The following MESD variants were observed in gnomAD, a reference collection of about 807,000 sequenced individuals.
The protein encoded by MESD is mesoderm development LRP chaperone, also known as LRP chaperone MESD.
A neutral mutation model predicts 12.9 loss-of-function variants in MESD; 7 were observed. The ratio of observed to expected loss-of-function variants is 0.54; its 90% CI spans 0.31 to 1.02. The LOEUF is 1.02. MESD is among the 50% of genes least tolerant of loss of function. The pLI is 0.05. For synonymous variants in MESD, 126 were observed against 115.6 expected (o/e 1.09, Z -0.58); for missense variants, 342 against 296.7 (o/e 1.15, Z -1.12).
chr15:80,946,856 T>TG (rs1292037328), downstream of MESD: 2 of 749,096 alleles, frequency 2.7e-6, no homozygotes, highest in African/African-American at 3.5e-5. Flanking sequence ...GACAGGCCTC[T>TG]GGGCACTGCT....
exon 5 of MESD, chr15:80,948,389 C>A: frequency 3.1e-6 from 1 of 324,668 alleles, no homozygotes; most frequent in South Asian, 2.7e-5. Flanking sequence ...GGAAGGAGAT[C>A]TTGTAGATCA....
chr15:80,977,429 T>C lies in MESD; in HGVS notation c.*1790A>G, dbSNP rs1902446932. 6.6e-6 allele frequency: 1 copy of C among 152,330 alleles called. No homozygotes were observed. The highest frequency in any genetic ancestry group is 1.5e-5 in the Non-Finnish European group (1 of 68,150). The allele number at this position is 152,330 out of a possible 1,614,324, so 9.4% of individuals were successfully genotyped here. A position where few individuals can be genotyped will look rare whatever the true frequency, so the allele number is the denominator to read the frequency against. On this transcript the variant is annotated 3_prime_UTR_variant, in exon 3 of 3. Coordinates refer to ENST00000261758, the MANE Select transcript of MESD (RefSeq NM_015154.3). ...TACATAACAGACACACAGAAACTAC[T>C]GGGTGAAGTGGGGGCACACTGCACA...
chr15:80,971,189 G>A (rs1902280403), downstream of MESD, among the ~76,000 whole-genome samples: 1 of 152,156 alleles, frequency 6.6e-6, no homozygotes, highest in Admixed American at 6.5e-5. Flanking sequence ...CTTGATCTTT[G>A]CCTGCTGTAA....
chr15:80,989,334 G>A (rs1277917524), intron 1 of MESD, among the ~76,000 whole-genome samples: 1 of 152,172 alleles, frequency 6.6e-6, no homozygotes, highest in East Asian at 1.9e-4. Context: ...GATTGAAGTG[G>A]TTTGAGAAAT....
exon 5 of MESD, chr15:80,948,260 T>G: frequency 5.1e-6 from 1 of 194,494 alleles, no homozygotes; most frequent in Non-Finnish European, 1.1e-5. Context: ...AGATGGAGAG[T>G]GCTGTGTGGG....
At chr15:80,985,025 T>C (rs1405829165) in intron 1 of MESD, among the ~76,000 whole-genome samples, 1 of 152,202 alleles carries the variant, frequency 6.6e-6, no homozygotes, top group Admixed American at 6.5e-5. Context: ...TTTCCTCATT[T>C]ACAAAATGAA....
intron 2 of MESD, among the ~76,000 whole-genome samples, chr15:80,979,718 T>C (rs1902522389): frequency 6.6e-6 from 1 of 152,214 alleles, no homozygotes; most frequent in Admixed American, 6.5e-5. Flanking sequence ...CTTTGTTGTA[T>C]AAATGGATGC....
intron 1 of MESD, among the ~76,000 whole-genome samples, chr15:80,985,723 C>A (rs1902713591): frequency 7.2e-6 from 1 of 138,844 alleles, no homozygotes; most frequent in South Asian, 2.3e-4. Flanking sequence ...GCAATCTTGG[C>A]TCATTGCAAC....
intron 4 of MESD, chr15:80,949,079 A>G (rs546761565): frequency 0.016 from 16,007 of 998,780 alleles, 200 homozygotes; most frequent in Non-Finnish European, 0.02. Context: ...GCTATCAGAG[A>G]CCCTGGTGCT....
At chr15:80,970,613 G>A (rs1039364951) in intron 3 of MESD, 2 of 152,140 alleles carry the variant, frequency 1.3e-5, no homozygotes, top group Admixed American at 6.5e-5. Context: ...AATGAACTCC[G>A]TAGCTAACTC....
chr15:80,972,354 C>T (rs535126934), downstream of MESD, among the ~76,000 whole-genome samples: 1 of 152,314 alleles, frequency 6.6e-6, no homozygotes, highest in South Asian at 2.1e-4. Flanking sequence ...CTATTAATGC[C>T]TCAGCTATCA....
chr15:80,989,803 C>T lies in MESD; in HGVS notation c.-12G>A, dbSNP rs11855057. 2 of 1,557,604 alleles carry T rather than the reference C, an allele frequency of 1.3e-6. No homozygotes were observed. Among genetic ancestry groups the T allele is most frequent in the Non-Finnish European group, 1.7e-6 (2 of 1,158,618 alleles). On this transcript the variant is annotated 5_prime_UTR_variant, in exon 1 of 3. Transcript: ENST00000261758. ...CTGGAAGCCGCCATTTTCGCTGCGCCGCGCAGCGCCCTAGACGCGCTTACC... is the reference window on the plus strand; with the variant it reads ...CTGGAAGCCGCCATTTTCGCTGCGCTGCGCAGCGCCCTAGACGCGCTTACC...
At chr15:80,960,357 C>T (rs2141789473) in intron 3 of MESD, among the ~76,000 whole-genome samples, 1 of 143,446 alleles carries the variant, frequency 7.0e-6, no homozygotes, top group East Asian at 2.0e-4. Flanking sequence ...CAGACAACAT[C>T]CTGTGTTTAA....
intron 3 of MESD, chr15:80,970,503 C>T (rs757082639): frequency 2.0e-5 from 3 of 152,248 alleles, no homozygotes; most frequent in African/African-American, 4.8e-5. Context: ...AGGTGTGAGG[C>T]TCACATGCAG....
At chr15:80,962,289 A>G (rs561408381) in intron 3 of MESD, among the ~76,000 whole-genome samples, 2 of 152,364 alleles carry the variant, frequency 1.3e-5, no homozygotes, top group East Asian at 3.9e-4. Context: ...AAGAAGAGAT[A>G]ACTATCCTAA....
At position 80,975,811 on chromosome 15, in the gene MESD, A is replaced by T. The variant is rs1031828953; in HGVS notation, c.*3408T>A. On this transcript the variant is annotated 3_prime_UTR_variant, in exon 3 of 3. Transcript: ENST00000261758. ...ATCACTAGATATTAAAACAAACAAG[A>T]CAAAAAGGAAGACAAATTCATTAAA... The T allele has an allele frequency of 5.9e-5, 9 of 152,110 alleles. No individual in the cohort carries two copies. The highest frequency in any genetic ancestry group is 2.2e-4 in the African/African-American group (9 of 41,408). The allele number at this position is 152,110 out of a possible 1,614,324, so 9.4% of individuals were successfully genotyped here.
At chr15:80,964,303 C>T (rs957439642) in intron 3 of MESD, among the ~76,000 whole-genome samples, 5 of 152,080 alleles carry the variant, frequency 3.3e-5, no homozygotes, top group African/African-American at 1.2e-4. Context: ...AACTACAAAC[C>T]ACTGCTCAAT....
chr15:80,959,123 T>A (rs531489808), intron 3 of MESD, among the ~76,000 whole-genome samples: 9 of 152,370 alleles, frequency 5.9e-5, no homozygotes, highest in African/African-American at 2.2e-4. Context: ...ACTTCTCAGC[T>A]GGACACTTGC....
rs192446904 is a variant in MESD, at chr15:80,984,161, A to G, written c.214-1979T>C. ...TGATCTGCCCACCTCGGCCTCCCAA[A>G]GTGCTGGGATTACAGGCATTAGCCA... On this transcript the variant is annotated intron_variant, in intron 1 of 2. Transcript: ENST00000261758. Among the ~76,000 whole-genome samples the G allele has an allele frequency of 5.1e-3, 770 of 152,202 alleles. 6 individuals carry two copies. Among genetic ancestry groups the G allele is most frequent in the Middle Eastern group, 0.017 (5 of 294 alleles).
Sources: gnomAD v4.1 joint callset for allele counts (sites outside exome capture counted in the v4.1 genomes callset) on GRCh38, gnomAD v4.1.1 for gene constraint, MANE v1.5 for transcripts, NCBI Gene and HGNC (gene_info 2026-07-23, HGNC 2026-07-21) for gene names.